AK4: variants seen among roughly 807,000 people sequenced by gnomAD.
AK4 encodes the protein adenylate kinase 4.
In AK4, 13 loss-of-function variants were observed where a neutral mutation model predicts 24.6. The ratio of observed to expected loss-of-function variants is 0.53; its 90% confidence interval spans 0.34 to 0.84. The LOEUF is 0.84. Ranked by LOEUF, AK4 falls within the 40% of genes least tolerant of loss-of-function variation. AK4 has a pLI of 0.01. For missense variants in AK4, 192 were observed against 288.2 expected, an observed-to-expected ratio of 0.67 and a Z score of 2.42; for synonymous variants, 88 against 107.0, an observed-to-expected ratio of 0.82 and a Z score of 1.10.
intron 3 of AK4, among the ~76,000 whole-genome samples, chr1:65,220,768 G>A (rs1005832122): frequency 2.0e-5 from 3 of 152,204 alleles, no homozygotes; most frequent in Non-Finnish European, 2.9e-5. Flanking sequence ...GAGCCACTGC[G>A]CATGGCCCTG....
chr1:65,220,739 G>C (rs548593886), intron 3 of AK4, among the ~76,000 whole-genome samples: 2 of 152,340 alleles, frequency 1.3e-5, no homozygotes, highest in Admixed American at 1.3e-4. Context: ...GCCTCCCAAA[G>C]TGCTGAGATG....
chr1:65,150,308 T>C (rs1649729053), intron 1 of AK4, among the ~76,000 whole-genome samples: 1 of 151,746 alleles, frequency 6.6e-6, no homozygotes, highest in Admixed American at 6.6e-5. Flanking sequence ...AACTTTCCTG[T>C]GTTCTAAATT....
At chr1:65,168,184 G>A in intron 1 of AK4, among the ~76,000 whole-genome samples, 1 of 108,076 alleles carries the variant, frequency 9.3e-6, no homozygotes, top group Non-Finnish European at 1.8e-5. Flanking sequence ...TTTTGCTCTT[G>A]TTGCCCAGGC....
chr1:65,172,937 A>G (rs1299010728), intron 1 of AK4, among the ~76,000 whole-genome samples: 1 of 135,566 alleles, frequency 7.4e-6, no homozygotes, highest in African/African-American at 2.9e-5. Flanking sequence ...ATCTGTGCTC[A>G]CTGCAACCTC....
intron 2 of AK4, among the ~76,000 whole-genome samples, chr1:65,210,777 C>G (rs957350944): frequency 1.3e-5 from 2 of 152,130 alleles, no homozygotes; most frequent in Non-Finnish European, 2.9e-5. Context: ...TACCGTCCGC[C>G]CCCTGCCATG....
intron 2 of AK4, among the ~76,000 whole-genome samples, chr1:65,194,121 T>G (rs996335363): frequency 1.3e-5 from 2 of 152,222 alleles, no homozygotes. Context: ...TTGTATAAAG[T>G]GTGCCCTCAG....
intron 2 of AK4, among the ~76,000 whole-genome samples, chr1:65,194,143 G>A (rs541144173): frequency 6.6e-6 from 1 of 152,168 alleles, no homozygotes; most frequent in African/African-American, 2.4e-5. Flanking sequence ...GTTCAAACCC[G>A]TATCTTCAAT....
At chr1:65,196,854 A>G (rs1651487699) in intron 2 of AK4, among the ~76,000 whole-genome samples, 1 of 152,200 alleles carries the variant, frequency 6.6e-6, no homozygotes, top group South Asian at 2.1e-4. Context: ...AATTTATACA[A>G]GAAAAAGGGT....
chr1:65,196,109 G>A (rs1423534216), intron 2 of AK4, among the ~76,000 whole-genome samples: 2 of 152,170 alleles, frequency 1.3e-5, no homozygotes, highest in South Asian at 2.1e-4. Flanking sequence ...TGTGGAGTGC[G>A]AGGGATGCCT....
At chr1:65,156,547 T>A (rs964925755) in intron 1 of AK4, among the ~76,000 whole-genome samples, 1 of 152,224 alleles carries the variant, frequency 6.6e-6, no homozygotes, top group Non-Finnish European at 1.5e-5. Flanking sequence ...CAGGTCCTTT[T>A]TAACACGTTT....
intron 1 of AK4, among the ~76,000 whole-genome samples, chr1:65,168,010 C>G (rs1288280539): frequency 2.0e-5 from 3 of 152,168 alleles, no homozygotes; most frequent in Non-Finnish European, 4.4e-5. Flanking sequence ...CCAGTTCTCT[C>G]TACCATTCTT....
At chr1:65,222,994 G>GT (rs921964425) in intron 3 of AK4, among the ~76,000 whole-genome samples, 307 of 147,470 alleles carry the variant, frequency 2.1e-3, no homozygotes, top group African/African-American at 5.5e-3. Flanking sequence ...AAATCAAGGT[G>GT]TTTTTTTTTT....
chr1:65,148,325 G>C lies in AK4; in HGVS notation c.-83G>C. 1 of 1,470,734 alleles carries C rather than the reference G, an allele frequency of 6.8e-7. No individual in the cohort carries two copies. The highest frequency in any genetic ancestry group is 9.0e-7 in the Non-Finnish European group (1 of 1,110,026). 91.1% of individuals were successfully genotyped at this position (1,470,734 alleles called of 1,614,324 possible). Reference sequence around the variant, plus strand: ...AGAGCGGAGGGTGCCAGAGGTAGGGGGCCGAGAAACAAAGTTCCCGGGGCT... The same window carrying C: ...AGAGCGGAGGGTGCCAGAGGTAGGGCGCCGAGAAACAAAGTTCCCGGGGCT... On this transcript the variant is annotated 5_prime_UTR_variant, in exon 1 of 5. Coordinates refer to ENST00000327299, the MANE Select transcript of AK4 (RefSeq NM_013410.4).
At chr1:65,172,099 A>ATG (rs1650553213) in intron 1 of AK4, among the ~76,000 whole-genome samples, 1 of 108,418 alleles carries the variant, frequency 9.2e-6, no homozygotes, top group Admixed American at 1.1e-4. Context: ...ATATATATAT[A>ATG]TATATTTAAA....
At chr1:65,177,879 T>C (rs752572622) in intron 1 of AK4, among the ~76,000 whole-genome samples, 13 of 152,130 alleles carry the variant, frequency 8.5e-5, no homozygotes, top group Non-Finnish European at 1.3e-4. Flanking sequence ...CTTTGCTTAA[T>C]TCAGTAATTT....
chr1:65,168,169 C>T (rs1371759051), intron 1 of AK4, among the ~76,000 whole-genome samples: 1 of 116,592 alleles, frequency 8.6e-6, no homozygotes. Flanking sequence ...TTTTTTGAGA[C>T]AGAGTTTTGC....
intron 1 of AK4, among the ~76,000 whole-genome samples, chr1:65,158,330 G>A (rs1188792249): frequency 6.6e-6 from 1 of 152,088 alleles, no homozygotes; most frequent in Non-Finnish European, 1.5e-5. Context: ...AATCTACCAA[G>A]TAAATTGTTA....
At position 65,203,239 on chromosome 1, in the gene AK4, T is replaced by C. The variant is rs138127969; in HGVS notation, c.265+12410T>C. The stretch of plus-strand genomic sequence containing the variant: ...TTTCTTCATCCATGAAATTAGCACG[T>C]TCATGGCATAGGTTTGTGAGGATTG... On this transcript the variant is annotated intron_variant, in intron 2 of 4. Transcript: ENST00000327299. Among the ~76,000 whole-genome samples the C allele has an allele frequency of 9.2e-5, 14 of 152,244 alleles. No homozygotes were observed. In the East Asian group the frequency reaches 2.5e-3, roughly 27 times the overall value.
At chr1:65,195,192 G>A (rs971488286) in intron 2 of AK4, among the ~76,000 whole-genome samples, 4 of 152,090 alleles carry the variant, frequency 2.6e-5, no homozygotes, top group Non-Finnish European at 4.4e-5. Context: ...TTAAACTTAC[G>A]CTTTTATCAG....
Sources: allele counts gnomAD v4.1 joint callset (sites outside exome capture counted in the v4.1 genomes callset), GRCh38; gene constraint gnomAD v4.1.1; transcripts MANE v1.5; gene names NCBI Gene and HGNC (gene_info 2026-07-23, HGNC 2026-07-21).